Variants in SUSD6 observed in about 807,000 individuals in gnomAD.
The protein encoded by SUSD6 is sushi domain containing 6.
A neutral mutation model predicts 28.4 loss-of-function variants in SUSD6; 16 were observed. The ratio of observed to expected loss-of-function variants is 0.56; its 90% CI spans 0.38 to 0.86. The LOEUF (loss-of-function observed/expected upper bound fraction) is 0.86, where lower values mean the gene tolerates loss of function less well. SUSD6 is among the 40% of genes least tolerant of loss of function. The probability of loss-of-function intolerance (pLI) is 0.00; values close to 1 mark genes in which losing one functional copy is unlikely to be tolerated. For synonymous variants in SUSD6, 147 were observed against 159.6 expected (o/e 0.92, Z 0.59); for missense variants, 341 against 384.2 (o/e 0.89, Z 0.94).
In SUSD6 at chr14:69,704,736, A is replaced by G; in HGVS notation, c.452A>G (p.His151Arg). The change falls in exon 4 of 6, where the codon CAT (histidine) becomes CGT (arginine). Residue 151 changes from histidine (H) to arginine (R), a missense_variant. Physicochemically the swap from His to Arg is conservative, Grantham distance 29. Coordinates refer to ENST00000342745, the MANE Select transcript of SUSD6 (RefSeq NM_014734.4). ...LLQPKLKSFHHSRRDQGVSGD... is the reference protein window; with the variant it reads ...LLQPKLKSFHRSRRDQGVSGD... ...CAGCCAAAGCTGAAGTCTTTCCATC[A>G]TAGCAGGTGAGTCCAGTGGCAGAGC... is the stretch of plus-strand genomic sequence containing the variant. 1.2e-6 allele frequency: 2 copies of G among 1,613,886 alleles called. No homozygotes were observed. Among genetic ancestry groups the G allele is most frequent in the Non-Finnish European group, 1.7e-6 (2 of 1,179,928 alleles).
Position 69,704,929 on chromosome 14 carries a change from C to T in SUSD6, c.458+187C>T, listed in dbSNP as rs79075472. Among the ~76,000 whole-genome samples, 351 of 152,266 alleles carry T rather than the reference C, an allele frequency of 2.3e-3. 9 individuals carry two copies. In the East Asian group the frequency reaches 0.057, roughly 25 times the overall value. ...ACCATTGTGCTTATTGCTTTGCATACATTATCTTAATCCTCATAGGAACAT... is the reference window on the plus strand; with the variant it reads ...ACCATTGTGCTTATTGCTTTGCATATATTATCTTAATCCTCATAGGAACAT... On this transcript the variant is annotated intron_variant, in intron 4 of 5. Coordinates refer to ENST00000342745, the MANE Select transcript of SUSD6 (RefSeq NM_014734.4).
At position 69,702,238 on chromosome 14, in the gene SUSD6, G is replaced by A. The variant is rs545383824; in HGVS notation, c.122-1157G>A. Among the ~76,000 whole-genome samples the A allele has an allele frequency of 7.7e-4, 118 of 152,296 alleles. 1 individual carries two copies. The South Asian group carries it at 0.015, about 19-fold the overall frequency. ...ATTGAATTTCCTTTGGAAAACTTTT[G>A]GTCTTTATTGCATTCATGGTTGCCT... is the stretch of plus-strand genomic sequence containing the variant. On this transcript the variant is annotated intron_variant, in intron 2 of 5. Transcript: ENST00000342745.
chr14:69,641,476 T>C (rs1398205705), intron 1 of SUSD6, among the ~76,000 whole-genome samples: 2 of 152,224 alleles, frequency 1.3e-5, no homozygotes, highest in Non-Finnish European at 2.9e-5. Flanking sequence ...TAATTTCTTT[T>C]GCAAATTTAC....
chr14:69,701,046 G>A (rs926424886), intron 2 of SUSD6, among the ~76,000 whole-genome samples: 1 of 152,094 alleles, frequency 6.6e-6, no homozygotes, highest in Non-Finnish European at 1.5e-5. Context: ...AAATATATGT[G>A]TGCACTTAAT....
chr14:69,630,323 C>T (rs1402828918), intron 1 of SUSD6, among the ~76,000 whole-genome samples: 3 of 152,282 alleles, frequency 2.0e-5, no homozygotes, highest in African/African-American at 7.2e-5. Context: ...TGGTCTCTCT[C>T]CCCCAAGTGA....
intron 2 of SUSD6, among the ~76,000 whole-genome samples, chr14:69,672,303 G>A (rs1222746662): frequency 6.6e-6 from 1 of 152,174 alleles, no homozygotes; most frequent in Non-Finnish European, 1.5e-5. Context: ...AGAGAGGAGG[G>A]ATCATTAAAA....
At chr14:69,614,720 G>C (rs1331501279) in intron 1 of SUSD6, among the ~76,000 whole-genome samples, 1 of 152,096 alleles carries the variant, frequency 6.6e-6, no homozygotes, top group African/African-American at 2.4e-5. Context: ...AAAAAATAGT[G>C]AGGTACATAC....
chr14:69,639,129 C>T (rs114529507), intron 1 of SUSD6, among the ~76,000 whole-genome samples: 33 of 152,032 alleles, frequency 2.2e-4, no homozygotes, highest in Middle Eastern at 3.4e-3. Flanking sequence ...ATTGAGGTCT[C>T]GATCCTGGCT....
chr14:69,611,755 G>T lies in SUSD6; in HGVS notation c.-154G>T, dbSNP rs1884876628. 6.7e-6 allele frequency: 1 copy of T among 150,298 alleles called. No homozygotes were observed. The highest frequency in any genetic ancestry group is 2.1e-4 in the South Asian group (1 of 4,704). 9.3% of individuals were successfully genotyped at this position (150,298 alleles called of 1,614,324 possible). A position where few individuals can be genotyped will look rare whatever the true frequency, so the allele number is the denominator to read the frequency against. On this transcript the variant is annotated 5_prime_UTR_variant, in exon 1 of 6. Transcript: ENST00000342745. ...GCGGGGCCTCGCCTAGACCCGAGAAGACTGCGGGCGCGCGCAAGCGGCGGC... is the reference window on the plus strand; with the variant it reads ...GCGGGGCCTCGCCTAGACCCGAGAATACTGCGGGCGCGCGCAAGCGGCGGC...
intron 1 of SUSD6, among the ~76,000 whole-genome samples, chr14:69,619,598 G>GAAAAA (rs10554011): frequency 8.4e-6 from 1 of 119,096 alleles, no homozygotes; most frequent in Non-Finnish European, 1.8e-5. Flanking sequence ...CATCTCTACA[G>GAAAAA]AAAAAAAAAA....
intron 1 of SUSD6, among the ~76,000 whole-genome samples, chr14:69,647,926 C>T (rs971772217): frequency 1.3e-5 from 2 of 151,800 alleles, no homozygotes; most frequent in South Asian, 2.1e-4. Context: ...CAGAGGTTGC[C>T]GTGAGCCGAG....
At chr14:69,670,881 T>A (rs937554086) in intron 2 of SUSD6, among the ~76,000 whole-genome samples, 1 of 152,284 alleles carries the variant, frequency 6.6e-6, no homozygotes, top group Non-Finnish European at 1.5e-5. Context: ...CTGTTGAAAC[T>A]TTGGATGTCC....
At chr14:69,643,721 G>A (rs762958108) in intron 1 of SUSD6, among the ~76,000 whole-genome samples, 23 of 152,146 alleles carry the variant, frequency 1.5e-4, no homozygotes, top group Admixed American at 2.6e-4. Context: ...ATTTTACCTG[G>A]CCTTATTCTG....
chr14:69,655,661 G>T (rs556348264), intron 1 of SUSD6, among the ~76,000 whole-genome samples: 1 of 151,930 alleles, frequency 6.6e-6, no homozygotes, highest in Admixed American at 6.6e-5. Context: ...AAAGTTAGGT[G>T]TGGTGGCGTG....
At chr14:69,646,700 C>T (rs368808942) in intron 1 of SUSD6, among the ~76,000 whole-genome samples, 25 of 109,192 alleles carry the variant, frequency 2.3e-4, no homozygotes, top group Admixed American at 3.6e-4. Context: ...TTTTTTCCAT[C>T]TTTTTTTTTT....
intron 1 of SUSD6, among the ~76,000 whole-genome samples, chr14:69,655,223 T>C (rs1885564689): frequency 6.6e-6 from 1 of 152,232 alleles, no homozygotes; most frequent in South Asian, 2.1e-4. Flanking sequence ...TTAGAAGTCA[T>C]TCCATATTAG....
At chr14:69,684,369 A>G (rs1350886309) in intron 2 of SUSD6, among the ~76,000 whole-genome samples, 1 of 152,248 alleles carries the variant, frequency 6.6e-6, no homozygotes, top group Non-Finnish European at 1.5e-5. Flanking sequence ...AAGTGTTCTT[A>G]GTAGAATATG....
At chr14:69,622,635 G>T (rs574522369) in intron 1 of SUSD6, among the ~76,000 whole-genome samples, 2 of 151,780 alleles carry the variant, frequency 1.3e-5, no homozygotes, top group Non-Finnish European at 2.9e-5. Context: ...ACTCTGTTGC[G>T]CAGGCTGGAG....
At chr14:69,644,116 C>T (rs567550506) in intron 1 of SUSD6, among the ~76,000 whole-genome samples, 1 of 152,124 alleles carries the variant, frequency 6.6e-6, no homozygotes, top group African/African-American at 2.4e-5. Context: ...TACAGTAGAC[C>T]GTAAACTCTT....
Sources: gnomAD v4.1 joint callset for allele counts (sites outside exome capture counted in the v4.1 genomes callset) on GRCh38, gnomAD v4.1.1 for gene constraint, MANE v1.5 for transcripts, NCBI Gene and HGNC (gene_info 2026-07-23, HGNC 2026-07-21) for gene names.